TRIO: variants seen among roughly 807,000 people sequenced by gnomAD.
TRIO encodes trio Rho guanine nucleotide exchange factor, also known as triple functional domain protein.
TRIO carries 58 observed loss-of-function variants against 351.9 expected under a neutral mutation model. The ratio of observed to expected loss-of-function variants is 0.16; its 90% confidence interval spans 0.13 to 0.21. TRIO has a LOEUF of 0.21. Ranked by LOEUF, TRIO falls within the 10% of genes least tolerant of loss-of-function variation. TRIO has a pLI of 1.00. For synonymous variants in TRIO, 1,758 were observed against 1,595.7 expected (o/e 1.10, Z -2.42); for missense variants, 3,201 against 4,027.8 (o/e 0.79, Z 5.56).
intron 1 of TRIO, among the ~76,000 whole-genome samples, chr5:14,227,151 C>T (rs1793095720): frequency 1.3e-5 from 2 of 152,196 alleles, no homozygotes; most frequent in South Asian, 4.1e-4. Flanking sequence ...TCTTGTTCCG[C>T]ACCCGCAGTC....
intron 10 of TRIO, among the ~76,000 whole-genome samples, chr5:14,334,760 G>A (rs915958215): frequency 1.3e-5 from 2 of 152,220 alleles, no homozygotes; most frequent in East Asian, 3.8e-4. Context: ...GGTAAGCAGG[G>A]ACTTCCAAGC....
At position 14,143,720 on chromosome 5, in the gene TRIO, G is replaced by C; in HGVS notation, c.-6G>C. The C allele has an allele frequency of 1.0e-6, 1 of 977,170 alleles. No individual in the cohort carries two copies. The highest frequency in any genetic ancestry group is 1.2e-6 in the Non-Finnish European group (1 of 826,222). The allele number at this position is 977,170 out of a possible 1,614,324, so 60.5% of individuals were successfully genotyped here. A position where few individuals can be genotyped will look rare whatever the true frequency, so the allele number is the denominator to read the frequency against. Reference sequence around the variant, plus strand: ...GGCGGGCGCGGCCGCGGGCGCCGCCGCAGCCATGAGCGGCAGCAGCGGCGG... The same window carrying C: ...GGCGGGCGCGGCCGCGGGCGCCGCCCCAGCCATGAGCGGCAGCAGCGGCGG... On this transcript the variant is annotated 5_prime_UTR_variant, in exon 1 of 57. Coordinates refer to ENST00000344204, the MANE Select transcript of TRIO (RefSeq NM_007118.4).
intron 1 of TRIO, among the ~76,000 whole-genome samples, chr5:14,183,403 T>G (rs1319017451): frequency 6.6e-6 from 1 of 152,072 alleles, no homozygotes; most frequent in African/African-American, 2.4e-5. Flanking sequence ...AATGAAAAAA[T>G]ATGTCCTTGG....
chr5:14,305,086 G>C (rs1738242929), intron 8 of TRIO, among the ~76,000 whole-genome samples: 1 of 152,218 alleles, frequency 6.6e-6, no homozygotes, highest in African/African-American at 2.4e-5. Flanking sequence ...TTCTATGCCA[G>C]ACTGTATTGT....
chr5:14,476,823 A>C (rs1235000088), intron 40 of TRIO, 71 bp from the exon 41 acceptor site: 5 of 1,347,600 alleles, frequency 3.7e-6, no homozygotes, highest in Non-Finnish European at 5.1e-6. Flanking sequence ...AAAAAGAAAA[A>C]ATGTAAACCT....
rs894397084 is a variant in TRIO at position 14,397,030 on chromosome 5, T to C, written c.4312-13T>C. ...TGCAGTCTTTACCTAGTTTCTGTTG[T>C]TTATCTTTGCAGGAGCTGCTGACGT... On this transcript the variant is annotated splice_polypyrimidine_tract_variant and intron_variant, in intron 28 of 56. Transcript: ENST00000344204. 1.9e-6 allele frequency: 3 copies of C among 1,590,558 alleles called. No individual in the cohort carries two copies. Among genetic ancestry groups the C allele is most frequent in the Non-Finnish European group, 1.7e-6 (2 of 1,169,426 alleles).
At chr5:14,401,305 C>G (rs1187955704) in intron 31 of TRIO, among the ~76,000 whole-genome samples, 2 of 152,132 alleles carry the variant, frequency 1.3e-5, no homozygotes, top group African/African-American at 2.4e-5. Flanking sequence ...GAAGCAAGGT[C>G]TTTTTATATT....
chr5:14,287,886 T>G (rs575419610), intron 4 of TRIO, among the ~76,000 whole-genome samples: 1 of 152,366 alleles, frequency 6.6e-6, no homozygotes, highest in Non-Finnish European at 1.5e-5. Context: ...TTCATGTATT[T>G]TAAGGTAAAC....
chr5:14,346,826 C>G (rs552928000), intron 11 of TRIO, among the ~76,000 whole-genome samples: 60 of 152,320 alleles, frequency 3.9e-4, no homozygotes, highest in African/African-American at 1.4e-3. Context: ...AAGAATCAAC[C>G]AAGGGTGCTA....
chr5:14,208,888 G>A lies in TRIO; in HGVS notation c.158-61937G>A, dbSNP rs562239169. 4.2e-3 allele frequency among the ~76,000 whole-genome samples: 633 copies of A among 152,312 alleles called. 2 individuals are homozygous for A. The highest frequency in any genetic ancestry group is 6.4e-3 in the Non-Finnish European group (436 of 68,030). On this transcript the variant is annotated intron_variant, in intron 1 of 56. Coordinates refer to ENST00000344204, the MANE Select transcript of TRIO (RefSeq NM_007118.4). ...TGGTTCTAAGGGTTGCCTCATTTTC[G>A]AATCATCCTATTCTCAGTTAAACTC...
At chr5:14,288,662 G>A (rs1581535602) in intron 4 of TRIO, among the ~76,000 whole-genome samples, 1 of 97,456 alleles carries the variant, frequency 1.0e-5, no homozygotes, top group Admixed American at 9.6e-5. Flanking sequence ...GCGAGATTCC[G>A]CCTCAAAAAA....
chr5:14,271,472 CA>C (rs1159648563), intron 2 of TRIO, among the ~76,000 whole-genome samples: 3 of 152,208 alleles, frequency 2.0e-5, no homozygotes, highest in African/African-American at 7.2e-5. Context: ...CGCCCGCAGA[CA>C]GACTCTGGGC....
chr5:14,237,223 T>G lies in TRIO; in HGVS notation c.158-33602T>G, dbSNP rs192556371. Among the ~76,000 whole-genome samples the G allele has an allele frequency of 4.3e-4, 65 of 152,348 alleles. No homozygotes were observed. The South Asian group carries it at 6.8e-3, about 16-fold the overall frequency. On this transcript the variant is annotated intron_variant, in intron 1 of 56. Coordinates refer to ENST00000344204, the MANE Select transcript of TRIO (RefSeq NM_007118.4). ...AATACTCCCTGTTGAGTATCCCAGA[T>G]CTGAACATCAGAAATCTGAAATGCT...
At chr5:14,254,611 C>T (rs1794926840) in intron 1 of TRIO, among the ~76,000 whole-genome samples, 1 of 152,148 alleles carries the variant, frequency 6.6e-6, no homozygotes, top group Admixed American at 6.5e-5. Context: ...CTCTGTTCTC[C>T]CGCGAGAAAG....
intron 1 of TRIO, among the ~76,000 whole-genome samples, chr5:14,253,273 C>G (rs1448746583): frequency 6.6e-6 from 1 of 152,224 alleles, no homozygotes; most frequent in African/African-American, 2.4e-5. Flanking sequence ...TGTGTCACTG[C>G]ATACATACTT....
chr5:14,500,888 CAAAAAAAAAAA>C (rs34729667), intron 53 of TRIO, among the ~76,000 whole-genome samples: 5 of 63,572 alleles, frequency 7.9e-5, no homozygotes, highest in Admixed American at 4.2e-4. Context: ...GACTCTGCCT[CAAAAAAAAAAA>C]AAAAAAAAAA....
chr5:14,477,285 A>G (rs1193804836), intron 41 of TRIO: 2 of 223,984 alleles, frequency 8.9e-6, no homozygotes, highest in Middle Eastern at 1.4e-3. Context: ...CTGTACCTGC[A>G]GTGGGTTTAA....
chr5:14,419,311 A>G (rs887482418), intron 33 of TRIO, among the ~76,000 whole-genome samples: 1 of 152,132 alleles, frequency 6.6e-6, no homozygotes, highest in Admixed American at 6.5e-5. Flanking sequence ...CTTCGGTTTC[A>G]GGGTCATAGC....
At chr5:14,192,924 A>G (rs164519) in intron 1 of TRIO, among the ~76,000 whole-genome samples, 8 of 152,270 alleles carry the variant, frequency 5.3e-5, no homozygotes, top group Admixed American at 5.2e-4. Context: ...GAGTGATTAC[A>G]GTAAAGGAAA....
Sources: allele counts gnomAD v4.1 joint callset (sites outside exome capture counted in the v4.1 genomes callset), GRCh38; gene constraint gnomAD v4.1.1; transcripts MANE v1.5; gene names NCBI Gene and HGNC (gene_info 2026-07-23, HGNC 2026-07-21).